KCNN2: variants seen among roughly 807,000 people sequenced by gnomAD.
KCNN2 encodes potassium calcium-activated channel subfamily N member 2, also known as small conductance calcium-activated potassium channel protein 2.
Under a neutral mutation model 55.5 loss-of-function variants are expected in KCNN2, and 24 were observed. That is an observed-to-expected ratio of 0.43 (90% CI 0.31 to 0.61). The LOEUF (loss-of-function observed/expected upper bound fraction) is 0.61, where lower values mean the gene tolerates loss of function less well. Among genes scored for constraint, KCNN2 ranks in the 20% least tolerant of loss-of-function variants. The pLI is 0.08. For synonymous variants in KCNN2, 431 were observed against 336.1 expected (o/e 1.28, Z -3.09); for missense variants, 754 against 853.6 (o/e 0.88, Z 1.45).
At chr5:114,142,075 G>C (rs1477733999) in intron 1 of KCNN2, among the ~76,000 whole-genome samples, 1 of 152,250 alleles carries the variant, frequency 6.6e-6, no homozygotes, top group East Asian at 1.9e-4. Flanking sequence ...CTCCCATTCT[G>C]TATGTTGCCA....
chr5:114,403,885 T>A (rs1406597286), intron 2 of KCNN2, among the ~76,000 whole-genome samples: 2 of 152,206 alleles, frequency 1.3e-5, no homozygotes, highest in Non-Finnish European at 2.9e-5. Context: ...AATAGAGTAG[T>A]CGTGGGGAAA....
intron 2 of KCNN2, among the ~76,000 whole-genome samples, chr5:114,316,659 C>T (rs1394305130): frequency 6.6e-6 from 1 of 151,996 alleles, no homozygotes; most frequent in Non-Finnish European, 1.5e-5. Flanking sequence ...ACATGGTCCC[C>T]AAAATAAATG....
At chr5:114,136,884 T>G (rs1752184617) in intron 1 of KCNN2, among the ~76,000 whole-genome samples, 1 of 152,162 alleles carries the variant, frequency 6.6e-6, no homozygotes, top group Non-Finnish European at 1.5e-5. Context: ...TTTCTAAGCC[T>G]CTGATAAATA....
At chr5:114,458,929 C>A (rs1761060654) in intron 3 of KCNN2, among the ~76,000 whole-genome samples, 1 of 152,298 alleles carries the variant, frequency 6.6e-6, no homozygotes, top group African/African-American at 2.4e-5. Context: ...TACCTCCCAG[C>A]CATTAGTGTG....
Position 114,332,747 on chromosome 5 carries a change from C to T in KCNN2, c.-184-28198C>T, listed in dbSNP as rs114585932. Reference sequence around the variant, plus strand: ...ACAGGGTGAGGACATCAGCTGAAAGCCAGGGAGGGGAGCTAATACTTGTTT... The same window carrying T: ...ACAGGGTGAGGACATCAGCTGAAAGTCAGGGAGGGGAGCTAATACTTGTTT... On this transcript the variant is annotated intron_variant, in intron 2 of 10. Coordinates refer to the KCNN2 transcript ENST00000512097. Among the ~76,000 whole-genome samples, 839 of 152,244 alleles carry T rather than the reference C, an allele frequency of 5.5e-3. 6 individuals carry two copies. The highest frequency in any genetic ancestry group is 6.7e-3 in the Non-Finnish European group (454 of 68,006).
chr5:114,099,335 G>A lies in KCNN2; in HGVS notation c.-271+42835G>A, dbSNP rs180782712. Among the ~76,000 whole-genome samples the A allele has an allele frequency of 1.9e-4, 29 of 152,168 alleles. No homozygotes were observed. The East Asian group carries it at 3.7e-3, about 19-fold the overall frequency. ...TCACCAATTGCTAGAACTGAAAAGC[G>A]TTACTCCCACTTCCTCTTTCCACCT... On this transcript the variant is annotated intron_variant, in intron 1 of 10. Transcript: ENST00000512097.
At chr5:114,292,967 T>A (rs990918520) in intron 2 of KCNN2, among the ~76,000 whole-genome samples, 1 of 152,086 alleles carries the variant, frequency 6.6e-6, no homozygotes, top group Admixed American at 6.6e-5. Flanking sequence ...TGAATGGGAG[T>A]TTACTCATGA....
At chr5:114,252,676 C>G (rs1272992548) in intron 2 of KCNN2, among the ~76,000 whole-genome samples, 1 of 152,010 alleles carries the variant, frequency 6.6e-6, no homozygotes, top group Non-Finnish European at 1.5e-5. Context: ...ACCCCCACCC[C>G]CCAACCTCTG....
At chr5:114,476,163 ATC>A (rs1761956710) in intron 5 of KCNN2, among the ~76,000 whole-genome samples, 1 of 147,456 alleles carries the variant, frequency 6.8e-6, no homozygotes, top group East Asian at 2.1e-4. Context: ...CATTAGGTAT[ATC>A]TCCCAATGCT....
intron 1 of KCNN2, among the ~76,000 whole-genome samples, chr5:114,159,104 G>T (rs1015650136): frequency 3.9e-5 from 6 of 152,110 alleles, no homozygotes; most frequent in Non-Finnish European, 8.8e-5. Flanking sequence ...AATGCTTTCG[G>T]TTTTTGTCCA....
In KCNN2 at chr5:114,255,492, C is replaced by T. The variant is rs530291787; in HGVS notation, c.-185+33927C>T. Reference sequence around the variant, plus strand: ...CTTATCAAAGGATGTAGAGAGGTAGCGGTGAGAGAGAAACACATGATGAGA... The same window carrying T: ...CTTATCAAAGGATGTAGAGAGGTAGTGGTGAGAGAGAAACACATGATGAGA... On this transcript the variant is annotated intron_variant, in intron 2 of 10. Transcript: ENST00000512097. Among the ~76,000 whole-genome samples, 161 of 152,148 alleles carry T rather than the reference C, an allele frequency of 1.1e-3. 1 individual carries two copies. The highest frequency in any genetic ancestry group is 1.6e-3 in the Non-Finnish European group (107 of 68,008).
At chr5:114,288,980 TG>T (rs1319313348) in intron 2 of KCNN2, among the ~76,000 whole-genome samples, 1 of 152,200 alleles carries the variant, frequency 6.6e-6, no homozygotes, top group African/African-American at 2.4e-5. Flanking sequence ...TTATGCTTTT[TG>T]CCCCTTGCTT....
chr5:114,081,365 C>T (rs1750816765), intron 1 of KCNN2, among the ~76,000 whole-genome samples: 1 of 152,078 alleles, frequency 6.6e-6, no homozygotes, highest in Admixed American at 6.5e-5. Flanking sequence ...AATGGGAAGA[C>T]TCATATTTTC....
At chr5:114,071,543 G>T (rs956106593) in intron 1 of KCNN2, among the ~76,000 whole-genome samples, 2 of 152,152 alleles carry the variant, frequency 1.3e-5, no homozygotes, top group Non-Finnish European at 2.9e-5. Context: ...AATAACAGTT[G>T]AGTTGATATA....
At chr5:114,372,300 C>G (rs1757784047) in intron 2 of KCNN2, among the ~76,000 whole-genome samples, 1 of 152,160 alleles carries the variant, frequency 6.6e-6, no homozygotes, top group Non-Finnish European at 1.5e-5. Context: ...AAGCCAAGGT[C>G]AGAGTTTAGA....
intron 2 of KCNN2, among the ~76,000 whole-genome samples, chr5:114,305,496 G>A (rs1326670503): frequency 6.6e-6 from 1 of 152,180 alleles, no homozygotes; most frequent in East Asian, 1.9e-4. Context: ...AAGGGAGTCA[G>A]GGCATCAGGA....
chr5:114,420,880 G>A (rs143591808), intron 3 of KCNN2, among the ~76,000 whole-genome samples: 1 of 152,254 alleles, frequency 6.6e-6, no homozygotes, highest in Non-Finnish European at 1.5e-5. Context: ...CCTGCTGTGG[G>A]CCAAAGGACT....
intron 2 of KCNN2, among the ~76,000 whole-genome samples, chr5:114,398,340 G>A (rs923445210): frequency 5.9e-5 from 9 of 152,076 alleles, no homozygotes; most frequent in African/African-American, 9.7e-5. Flanking sequence ...TAGATGTGTC[G>A]CATTATGTCT....
chr5:114,393,426 T>C (rs1758515393), intron 2 of KCNN2, among the ~76,000 whole-genome samples: 1 of 152,180 alleles, frequency 6.6e-6, no homozygotes, highest in Non-Finnish European at 1.5e-5. Flanking sequence ...GATTACTTTC[T>C]AGTTTTGAAG....
Sources: gnomAD v4.1 joint callset for allele counts (sites outside exome capture counted in the v4.1 genomes callset) on GRCh38, gnomAD v4.1.1 for gene constraint, MANE v1.5 for transcripts, NCBI Gene and HGNC (gene_info 2026-07-23, HGNC 2026-07-21) for gene names.